SOAT1: variants seen among roughly 807,000 people sequenced by gnomAD.
The protein encoded by SOAT1 is sterol O-acyltransferase 1, also known as acyl-coenzyme A:cholesterol acyltransferase 1.
SOAT1 carries 55 observed loss-of-function variants against 69.5 expected under a neutral mutation model. The ratio of observed to expected loss-of-function variants is 0.79; its 90% confidence interval spans 0.64 to 0.99. The LOEUF is 0.99. Ranked by LOEUF, SOAT1 falls within the 50% of genes least tolerant of loss-of-function variation. The pLI is 0.00. For synonymous variants in SOAT1, 231 were observed against 224.7 expected (o/e 1.03, Z -0.25); for missense variants, 580 against 669.3 (o/e 0.87, Z 1.47).
At chr1:179,336,128 C>T (rs1338596579) in intron 4 of SOAT1, among the ~76,000 whole-genome samples, 2 of 148,788 alleles carry the variant, frequency 1.3e-5, no homozygotes, top group Non-Finnish European at 3.0e-5. Context: ...CATGCCACTG[C>T]ACTCCAGAGA....
intron 3 of SOAT1, 24 bp downstream of exon 3, chr1:179,323,519 A>G (rs200223584): frequency 1.1e-4 from 169 of 1,596,792 alleles, no homozygotes; most frequent in Non-Finnish European, 1.3e-4. Context: ...TCTTCTAGAA[A>G]CAAAAATGTA....
At chr1:179,345,429 T>C (rs1666494273) in intron 11 of SOAT1, among the ~76,000 whole-genome samples, 1 of 152,212 alleles carries the variant, frequency 6.6e-6, no homozygotes, top group Non-Finnish European at 1.5e-5. Flanking sequence ...AGAAATTACT[T>C]GTAGAAATTA....
chr1:179,324,262 TTTGATGTCA>T, intron 3 of SOAT1, among the ~76,000 whole-genome samples: 1 of 152,358 alleles, frequency 6.6e-6, no homozygotes, highest in East Asian at 1.9e-4. Context: ...TTATACTCAC[TTTGATGTCA>T]ATGTCTTTGT....
intron 2 of SOAT1, among the ~76,000 whole-genome samples, chr1:179,315,728 C>T (rs1665369313): frequency 6.6e-6 from 1 of 152,106 alleles, no homozygotes. Flanking sequence ...CATCTCAAAG[C>T]CTGTTTGTAA....
chr1:179,351,010 T>A (rs1666704426), intron 14 of SOAT1, among the ~76,000 whole-genome samples: 1 of 150,236 alleles, frequency 6.7e-6, no homozygotes, highest in Non-Finnish European at 1.5e-5. Context: ...TTGATACCTG[T>A]ATATTTCTTT....
At chr1:179,299,187 C>T (rs986689705) in intron 1 of SOAT1, among the ~76,000 whole-genome samples, 4 of 152,164 alleles carry the variant, frequency 2.6e-5, no homozygotes, top group African/African-American at 4.8e-5. Context: ...GAGTTGGAGG[C>T]GGTTTAGCGA....
At chr1:179,301,307 AAG>A in intron 1 of SOAT1, among the ~76,000 whole-genome samples, 1 of 152,270 alleles carries the variant, frequency 6.6e-6, no homozygotes, top group Non-Finnish European at 1.5e-5. Flanking sequence ...TTAGTGCTTA[AAG>A]TGTCTCACCA....
chr1:179,344,302 T>C (rs1666443506), intron 10 of SOAT1, among the ~76,000 whole-genome samples: 2 of 149,066 alleles, frequency 1.3e-5, no homozygotes, highest in African/African-American at 2.5e-5. Context: ...CCATTTTAAA[T>C]TAGTGTCTCA....
At chr1:179,332,867 C>T (rs12408668) in intron 3 of SOAT1, among the ~76,000 whole-genome samples, 32,994 of 152,054 alleles carry the variant, frequency 0.22, 4,582 homozygotes, top group East Asian at 0.38. Context: ...AGCAGTTACT[C>T]GTTATTGTCA....
At chr1:179,328,821 A>G (rs1173439484) in intron 3 of SOAT1, among the ~76,000 whole-genome samples, 2 of 152,132 alleles carry the variant, frequency 1.3e-5, no homozygotes, top group Non-Finnish European at 2.9e-5. Context: ...AGGTAGGCAG[A>G]TCAGTTGAGT....
At chr1:179,323,051 T>C (rs1261185800) in intron 2 of SOAT1, among the ~76,000 whole-genome samples, 1 of 150,512 alleles carries the variant, frequency 6.6e-6, no homozygotes, top group Non-Finnish European at 1.5e-5. Flanking sequence ...CTTTCTTTTT[T>C]TTTTTTTTTT....
chr1:179,336,891 AG>A (rs1325866857), intron 4 of SOAT1, among the ~76,000 whole-genome samples: 1 of 151,994 alleles, frequency 6.6e-6, no homozygotes, highest in Non-Finnish European at 1.5e-5. Flanking sequence ...GCTACTCGGG[AG>A]GCTGAGGCAG....
chr1:179,333,397 T>A (rs1332743469), intron 3 of SOAT1, among the ~76,000 whole-genome samples: 5 of 147,598 alleles, frequency 3.4e-5, no homozygotes, highest in Non-Finnish European at 3.0e-5. Flanking sequence ...ATTCCTCTTC[T>A]AAAAAAAAAA....
Position 179,347,588 on chromosome 1 carries a change from T to A in SOAT1, c.1118-12T>A. On this transcript the variant is annotated splice_polypyrimidine_tract_variant and intron_variant, in intron 11 of 15. Transcript: ENST00000367619. ...TTGGAAAGACTGTTAATATTGTTAA[T>A]CTTATTTTTAGGTGTGCTGATTCTC... The A allele has an allele frequency of 6.5e-7, 1 of 1,538,304 alleles. No individual in the cohort carries two copies. Among genetic ancestry groups the A allele is most frequent in the Non-Finnish European group, 9.0e-7 (1 of 1,113,196 alleles).
intron 2 of SOAT1, among the ~76,000 whole-genome samples, chr1:179,304,303 G>A (rs1319520025): frequency 1.4e-5 from 2 of 143,156 alleles, no homozygotes; most frequent in African/African-American, 5.2e-5. Flanking sequence ...TTTTGAGACA[G>A]TTTTGCTTTT....
chr1:179,318,045 AT>A (rs1665456426), intron 2 of SOAT1, among the ~76,000 whole-genome samples: 1 of 151,972 alleles, frequency 6.6e-6, no homozygotes, highest in South Asian at 2.1e-4. Context: ...TTAAAAAAAA[AT>A]TAGCTGGGTG....
Position 179,350,499 on chromosome 1 carries a change from C to T in SOAT1, c.1450+68C>T, listed in dbSNP as rs557074338. 51 of 1,464,598 alleles carry T rather than the reference C, an allele frequency of 3.5e-5. No homozygotes were observed. In the Admixed American group the frequency reaches 8.9e-4, roughly 26 times the overall value. 90.7% of individuals were successfully genotyped at this position (1,464,598 alleles called of 1,614,324 possible). On this transcript the variant is annotated intron_variant, in intron 14 of 15. Coordinates refer to ENST00000367619, the MANE Select transcript of SOAT1 (RefSeq NM_003101.6). ...AAAAGAAAACCAGATAGAAAGGAAA[C>T]TATAAAATCAATGTAGGAGAACTAG...
chr1:179,299,561 A>G (rs1664760853), intron 1 of SOAT1, among the ~76,000 whole-genome samples: 1 of 152,112 alleles, frequency 6.6e-6, no homozygotes, highest in Admixed American at 6.6e-5. Context: ...GAATATTTGG[A>G]AAATAACAAT....
At chr1:179,345,152 T>C (rs1430526626) in intron 11 of SOAT1, 76 bp downstream of exon 11, 30 of 1,456,544 alleles carry the variant, frequency 2.1e-5, no homozygotes, top group Non-Finnish European at 2.8e-5. Context: ...ATGAGCACCT[T>C]TGCTTTGCCT....
Sources: gnomAD v4.1 joint callset for allele counts (sites outside exome capture counted in the v4.1 genomes callset) on GRCh38, gnomAD v4.1.1 for gene constraint, MANE v1.5 for transcripts, NCBI Gene and HGNC (gene_info 2026-07-23, HGNC 2026-07-21) for gene names.